Variants in SPAG17 observed in about 807,000 individuals in gnomAD.
SPAG17 encodes the protein sperm-associated antigen 17.
In SPAG17, 169 loss-of-function variants were observed where a neutral mutation model predicts 273.6. The observed-to-expected ratio is 0.62, with a 90% CI of 0.55 to 0.70. SPAG17 has a LOEUF of 0.70. Ranked by LOEUF, SPAG17 falls within the 30% of genes least tolerant of loss-of-function variation. SPAG17 has a pLI of 0.00. For missense variants in SPAG17, 2,557 were observed against 2,627.8 expected, an observed-to-expected ratio of 0.97 and a Z score of 0.59; for synonymous variants, 825 against 873.2, an observed-to-expected ratio of 0.94 and a Z score of 0.97.
chr1:117,977,601 T>C (rs941965213), intron 43 of SPAG17, among the ~76,000 whole-genome samples: 2 of 152,218 alleles, frequency 1.3e-5, no homozygotes, highest in African/African-American at 4.8e-5. Flanking sequence ...TCCACTGCTT[T>C]GTGTTAATTC....
intron 27 of SPAG17, among the ~76,000 whole-genome samples, chr1:118,024,516 T>C (rs548294127): frequency 1.3e-5 from 2 of 152,288 alleles, no homozygotes; most frequent in East Asian, 1.9e-4. Flanking sequence ...TTTTATGGGA[T>C]TGCTTTCTTT....
chr1:118,016,141 C>T lies in SPAG17; in HGVS notation c.4111G>A (p.Glu1371Lys). Residue 1371 changes from glutamate (E) to lysine (K), a missense_variant, in exon 29 of 49, where the codon GAA becomes AAA. Transcript: ENST00000336338. ...KSQSSMAHKG[E>K]IHDPPPEAVQ... ...GCCTCTGGAGGAGGGTCATGGATTT[C>T]ACCCTTATGGGCCATTGATGACTGA... 1 of 1,614,056 alleles carries T rather than the reference C, an allele frequency of 6.2e-7. No individual in the cohort carries two copies.
chr1:118,094,510 T>A (rs990206134), intron 7 of SPAG17, among the ~76,000 whole-genome samples: 3 of 152,264 alleles, frequency 2.0e-5, no homozygotes, highest in Admixed American at 6.5e-5. Flanking sequence ...GTTGGAAAGG[T>A]TGCAAATGCT....
intron 3 of SPAG17, among the ~76,000 whole-genome samples, chr1:118,140,620 G>A (rs967644451): frequency 5.3e-5 from 8 of 152,050 alleles, no homozygotes; most frequent in Admixed American, 4.6e-4. Flanking sequence ...CAAGGGCACC[G>A]ATCTGCCAAA....
At chr1:117,956,681 A>G (rs531700904) in intron 48 of SPAG17, among the ~76,000 whole-genome samples, 7 of 152,326 alleles carry the variant, frequency 4.6e-5, no homozygotes, top group Admixed American at 1.3e-4. Context: ...TAGCAAAATT[A>G]AAATAGTGTA....
intron 3 of SPAG17, among the ~76,000 whole-genome samples, chr1:118,140,180 A>G (rs1658595449): frequency 6.6e-6 from 1 of 152,156 alleles, no homozygotes; most frequent in Admixed American, 6.5e-5. Flanking sequence ...AAATTACCCA[A>G]TTTCAGGTAT....
chr1:118,081,298 G>T lies in SPAG17; in HGVS notation c.2012C>A (p.Thr671Lys), dbSNP rs1557997174. 6.2e-7 allele frequency: 1 copy of T among 1,613,916 alleles called. No individual in the cohort carries two copies. ...QKADIKIKDRTLFVDQNLSMS... is the reference protein window; with the variant it reads ...QKADIKIKDRKLFVDQNLSMS... ...TGACAAATTCTGATCCACAAATAGTGTTCTGTCTTTGATTTTAATATCTAT... is the reference window on the plus strand; with the variant it reads ...TGACAAATTCTGATCCACAAATAGTTTTCTGTCTTTGATTTTAATATCTAT... Residue 671 changes from threonine (T) to lysine (K), a missense_variant, in exon 15 of 49, where the codon ACA becomes AAA. By Grantham distance (78) the Thr-to-Lys change is moderately conservative. Coordinates refer to ENST00000336338, the MANE Select transcript of SPAG17 (RefSeq NM_206996.4).
chr1:118,182,022 CAG>C (rs1381210794), intron 1 of SPAG17, among the ~76,000 whole-genome samples: 1 of 152,112 alleles, frequency 6.6e-6, no homozygotes, highest in Non-Finnish European at 1.5e-5. Flanking sequence ...GATTTTAAAG[CAG>C]AGACTCCAAC....
chr1:118,090,161 T>G (rs1256511252), intron 10 of SPAG17, among the ~76,000 whole-genome samples: 2 of 152,220 alleles, frequency 1.3e-5, no homozygotes, highest in Non-Finnish European at 2.9e-5. Context: ...GAAGATTACA[T>G]GAGTTAACAT....
chr1:117,993,358 A>C (rs1208298573), intron 35 of SPAG17, among the ~76,000 whole-genome samples: 1 of 152,184 alleles, frequency 6.6e-6, no homozygotes, highest in East Asian at 1.9e-4. Flanking sequence ...TCAGAGGATG[A>C]GAATAAACTT....
At chr1:118,106,508 GCTCT>G (rs1656407468) in intron 4 of SPAG17, among the ~76,000 whole-genome samples, 1 of 152,202 alleles carries the variant, frequency 6.6e-6, no homozygotes, top group Non-Finnish European at 1.5e-5. Context: ...CTCATGCAGG[GCTCT>G]CTAACAGCCA....
chr1:117,998,538 C>A (rs747654283), intron 32 of SPAG17, among the ~76,000 whole-genome samples: 3 of 150,548 alleles, frequency 2.0e-5, no homozygotes, highest in Non-Finnish European at 3.0e-5. Flanking sequence ...GCTATTTGGG[C>A]TCTTTTTTTG....
chr1:117,980,824 GCTATGTAAGATAGAGA>G (rs2101585565), intron 43 of SPAG17, among the ~76,000 whole-genome samples: 1 of 152,210 alleles, frequency 6.6e-6, no homozygotes, highest in Admixed American at 6.5e-5. Context: ...AAGATTATGT[GCTATGTAAGATAGAGA>G]CTACATCTTA....
rs144045185 is a variant in SPAG17 at position 118,176,400 on chromosome 1, A to G, written c.87+8671T>C. On this transcript the variant is annotated intron_variant, in intron 1 of 48. Coordinates refer to ENST00000336338, the MANE Select transcript of SPAG17 (RefSeq NM_206996.4). ...TCATGCAACCTGAAACCAAAAACAGAGCACGAATAGCTATACTTATATCAG... is the reference window on the plus strand; with the variant it reads ...TCATGCAACCTGAAACCAAAAACAGGGCACGAATAGCTATACTTATATCAG... Among the ~76,000 whole-genome samples the G allele has an allele frequency of 4.3e-3, 653 of 152,342 alleles. 6 individuals carry two copies. Among genetic ancestry groups the G allele is most frequent in the African/African-American group, 0.015 (625 of 41,586 alleles).
At chr1:118,086,820 G>A in intron 11 of SPAG17, 36 bp from the exon 12 acceptor site, 4 of 1,613,880 alleles carry the variant, frequency 2.5e-6, no homozygotes, top group African/African-American at 1.3e-5. Flanking sequence ...TTAAAGAGAG[G>A]ATCTATACTT....
chr1:118,027,100 T>C (rs570959375), intron 26 of SPAG17, among the ~76,000 whole-genome samples: 1 of 152,280 alleles, frequency 6.6e-6, no homozygotes, highest in South Asian at 2.1e-4. Flanking sequence ...AATATATCCT[T>C]GAATTTGAAA....
In SPAG17 at chr1:117,996,722, A is replaced by C. The variant is rs1291805547; in HGVS notation, c.4798T>G (p.Ser1600Ala). Residue 1600 changes from serine to alanine, a missense_variant, in exon 33 of 49, where the codon TCA becomes GCA. By Grantham distance (99) the Ser-to-Ala change is moderately conservative. Transcript: ENST00000336338. The part of the protein sequence containing the change: ...TFQVMADGSI[S>A]TILPEKKLED... ...AATTTTTTTTCAGGTAATATAGTTG[A>C]TATGCTACCATCAGCCATGACCTAA... 1 of 1,610,604 alleles carries C rather than the reference A, an allele frequency of 6.2e-7. No homozygotes were observed. The highest frequency in any genetic ancestry group is 1.7e-5 in the Admixed American group (1 of 59,482).
At chr1:118,021,332 A>G (rs911553429) in intron 28 of SPAG17, among the ~76,000 whole-genome samples, 10 of 152,298 alleles carry the variant, frequency 6.6e-5, no homozygotes, top group African/African-American at 1.9e-4. Flanking sequence ...TTCTAATCAT[A>G]TGACATTCTG....
chr1:117,992,798 T>A, intron 35 of SPAG17, 150 bp from the exon 36 acceptor site: 1 of 677,870 alleles, frequency 1.5e-6, no homozygotes, highest in Non-Finnish European at 2.3e-6. Context: ...CAAAAAGTTC[T>A]GCAAATATAA....
Sources: gnomAD v4.1 joint callset for allele counts (sites outside exome capture counted in the v4.1 genomes callset) on GRCh38, gnomAD v4.1.1 for gene constraint, MANE v1.5 for transcripts, NCBI Gene and HGNC (gene_info 2026-07-23, HGNC 2026-07-21) for gene names.